The following PCDHGB6 variants were observed in gnomAD, a reference collection of about 807,000 sequenced individuals.
PCDHGB6 encodes the protein protocadherin gamma subfamily B, 6.
A neutral mutation model predicts 59.1 loss-of-function variants in PCDHGB6; 51 were observed. That is an observed-to-expected ratio of 0.86 (90% CI 0.69 to 1.09). PCDHGB6 has a LOEUF of 1.09. Ranked by LOEUF, PCDHGB6 falls within the 50% of genes least tolerant of loss-of-function variation. PCDHGB6 has a pLI of 0.00. For synonymous variants in PCDHGB6, 466 were observed against 495.1 expected, an observed-to-expected ratio of 0.94 and a Z score of 0.78; for missense variants, 1,148 against 1,205.1, an observed-to-expected ratio of 0.95 and a Z score of 0.70.
intron 2 of PCDHGB6, 40 bp from the exon 3 acceptor site, chr5:141,505,353 G>T (rs376781305): frequency 1.7e-5 from 27 of 1,613,426 alleles, no homozygotes; most frequent in Non-Finnish European, 2.0e-5. Flanking sequence ...GAGCTGTGCC[G>T]GCCTGGGAGT....
chr5:141,409,182 T>C lies in PCDHGB6; in HGVS notation c.980T>C (p.Leu327Pro). Residue 327 changes from leucine (L) to proline (P), a missense_variant, in exon 1 of 4, where the codon CTC becomes CCC. Coordinates refer to ENST00000520790, the MANE Select transcript of PCDHGB6 (RefSeq NM_018926.3). ...GTGGAAGCGAAGGACGGAGGTGGTCTCTCTACCCAGTGTAAAGTAATCATA... is the reference window on the plus strand; with the variant it reads ...GTGGAAGCGAAGGACGGAGGTGGTCCCTCTACCCAGTGTAAAGTAATCATA... ...MEVEAKDGGGLSTQCKVIIEI... is the reference protein window; with the variant it reads ...MEVEAKDGGGPSTQCKVIIEI... 6.2e-7 allele frequency: 1 copy of C among 1,614,006 alleles called. No homozygotes were observed. Among genetic ancestry groups the C allele is most frequent in the East Asian group, 2.2e-5 (1 of 44,880 alleles).
At chr5:141,498,830 G>T (rs2099786149) in intron 2 of PCDHGB6, among the ~76,000 whole-genome samples, 1 of 152,080 alleles carries the variant, frequency 6.6e-6, no homozygotes, top group Non-Finnish European at 1.5e-5. Context: ...CTACTCAGGA[G>T]GCTGAGGCAG....
chr5:141,448,894 G>A (rs2098614669), intron 1 of PCDHGB6, among the ~76,000 whole-genome samples: 2 of 152,098 alleles, frequency 1.3e-5, no homozygotes, highest in South Asian at 4.1e-4. Context: ...GCAGTGAGCC[G>A]AGATCGTGCC....
intron 1 of PCDHGB6, chr5:141,419,383 C>A (rs1354675466): frequency 6.2e-7 from 1 of 1,613,698 alleles, no homozygotes; most frequent in South Asian, 1.1e-5. Context: ...TGTCCGTGAG[C>A]GCGCAGAGCG....
At chr5:141,449,467 C>G (rs1356192128) in intron 1 of PCDHGB6, among the ~76,000 whole-genome samples, 1 of 150,842 alleles carries the variant, frequency 6.6e-6, no homozygotes, top group South Asian at 2.1e-4. Flanking sequence ...ATTAGCCAGG[C>G]CTGGTACCCC....
chr5:141,450,829 A>ATTTTTT (rs373424450), intron 1 of PCDHGB6, among the ~76,000 whole-genome samples: 1 of 135,126 alleles, frequency 7.4e-6, no homozygotes. Context: ...TATTATTATT[A>ATTTTTT]TTTTTTTTTT....
chr5:141,422,913 G>T, intron 1 of PCDHGB6: 1 of 1,614,248 alleles, frequency 6.2e-7, no homozygotes, highest in Non-Finnish European at 8.5e-7. Context: ...ATGCGCCCGA[G>T]ATCCTGTACC....
Position 141,487,532 on chromosome 5 carries a change from A to T in PCDHGB6, c.2419-7275A>T. 6.2e-7 allele frequency: 1 copy of T among 1,614,158 alleles called. No homozygotes were observed. The highest frequency in any genetic ancestry group is 8.5e-7 in the Non-Finnish European group (1 of 1,180,022). ...ACCCACTCGGAGTGATAGCTTCATG[A>T]TGGTGAAGTCACCCAGTGCACCTAT... is the stretch of plus-strand genomic sequence containing the variant. On this transcript the variant is annotated intron_variant, in intron 1 of 3. Transcript: ENST00000520790. This position sits in a 1 kb window ranked among gnomAD's most constrained non-coding sequence, Gnocchi z 5.0.
intron 1 of PCDHGB6, among the ~76,000 whole-genome samples, chr5:141,456,714 C>T (rs1456452530): frequency 6.6e-6 from 1 of 152,176 alleles, no homozygotes; most frequent in Non-Finnish European, 1.5e-5. Flanking sequence ...CCTGTAATCC[C>T]AGCACTTTGG....
intron 1 of PCDHGB6, among the ~76,000 whole-genome samples, chr5:141,437,431 A>G (rs1282194918): frequency 6.6e-6 from 1 of 152,234 alleles, no homozygotes; most frequent in African/African-American, 2.4e-5. Flanking sequence ...TGAAGCAGCA[A>G]TAGCATAGGA....
chr5:141,497,492 C>G (rs954582026), intron 2 of PCDHGB6, among the ~76,000 whole-genome samples: 1 of 151,628 alleles, frequency 6.6e-6, no homozygotes, highest in Non-Finnish European at 1.5e-5. Flanking sequence ...ACCTCTCTCT[C>G]TCTCCTCTCT....
rs759346998 is a variant in PCDHGB6 at position 141,410,849 on chromosome 5, CTTTTT to C, written c.2418+247_2418+251del. On this transcript the variant is annotated intron_variant, in intron 1 of 3. Transcript: ENST00000520790. ...CAGACTGAAGATATTTTGTCTTTGT[CTTTTT>C]TTTTTTTTTTTTTTTTTGAGATGGA... 1.3e-3 allele frequency: 178 copies of C among 137,948 alleles called. 1 individual carries two copies. Among genetic ancestry groups the C allele is most frequent in the East Asian group, 2.3e-3 (10 of 4,422 alleles). 8.5% of individuals were successfully genotyped at this position (137,948 alleles called of 1,614,324 possible). A position where few individuals can be genotyped will look rare whatever the true frequency, so the allele number is the denominator to read the frequency against.
rs200646513 is a variant in PCDHGB6, at chr5:141,421,389, G to A, written c.2418+10769G>A. ...TGGGCAATATCTCCAAGGACCTGGG[G>A]CTGGAGCCCCGGGAGCTGGCGAAGC... On this transcript the variant is annotated intron_variant, in intron 1 of 3. Coordinates refer to ENST00000520790, the MANE Select transcript of PCDHGB6 (RefSeq NM_018926.3). The A allele has an allele frequency of 1.7e-3, 2,771 of 1,614,052 alleles. 5 individuals carry two copies. The highest frequency in any genetic ancestry group is 2.2e-3 in the Non-Finnish European group (2,560 of 1,179,918).
intron 1 of PCDHGB6, chr5:141,413,431 G>T (rs963192857): frequency 1.9e-6 from 3 of 1,614,092 alleles, no homozygotes; most frequent in Non-Finnish European, 2.5e-6. Context: ...CCCGCGCAGC[G>T]GCAGCTTGAT....
chr5:141,433,001 G>T, intron 1 of PCDHGB6: 1 of 1,614,156 alleles, frequency 6.2e-7, no homozygotes, highest in African/African-American at 1.3e-5. Flanking sequence ...CGGGGTGCAG[G>T]CTTTCCTGCA....
At position 141,485,929 on chromosome 5, in the gene PCDHGB6, G is replaced by A; in HGVS notation, c.2419-8878G>A. 1 of 1,614,150 alleles carries A rather than the reference G, an allele frequency of 6.2e-7. No homozygotes were observed. The highest frequency in any genetic ancestry group is 8.5e-7 in the Non-Finnish European group (1 of 1,180,036). ...AATCCAGCTACAGGATTAGTGTGTT[G>A]GAGAGCGCACCAGCGGGCATGGTGC... On this transcript the variant is annotated intron_variant, in intron 1 of 3. Coordinates refer to ENST00000520790, the MANE Select transcript of PCDHGB6 (RefSeq NM_018926.3). This position sits in a 1 kb window ranked among gnomAD's most constrained non-coding sequence, Gnocchi z 5.7.
intron 1 of PCDHGB6, chr5:141,422,218 A>T: frequency 1.3e-6 from 2 of 1,564,130 alleles, no homozygotes; most frequent in Non-Finnish European, 8.6e-7. Flanking sequence ...TCTCTTTACC[A>T]CCACGACGAT....
rs1594666821 is a variant in PCDHGB6, at chr5:141,487,316, T to C, written c.2419-7491T>C. 6.2e-7 allele frequency: 1 copy of C among 1,614,164 alleles called. No individual in the cohort carries two copies. Among genetic ancestry groups the C allele is most frequent in the South Asian group, 1.1e-5 (1 of 91,080 alleles). On this transcript the variant is annotated intron_variant, in intron 1 of 3. Coordinates refer to ENST00000520790, the MANE Select transcript of PCDHGB6 (RefSeq NM_018926.3). This position sits in a 1 kb window ranked among gnomAD's most constrained non-coding sequence, Gnocchi z 5.0. ...CTCATTCGTGGCACTACTCTCTAAG[T>C]GTCTTCGTGGGGCAGCCTGTGGAGT... is the stretch of plus-strand genomic sequence containing the variant.
At position 141,491,291 on chromosome 5, in the gene PCDHGB6, C is replaced by G; in HGVS notation, c.2419-3516C>G. On this transcript the variant is annotated intron_variant, in intron 1 of 3. Coordinates refer to ENST00000520790, the MANE Select transcript of PCDHGB6 (RefSeq NM_018926.3). The surrounding 1 kb of genome is among the most constrained non-coding windows in gnomAD (Gnocchi z 6.9). ...AAATCCAGTGACTTCCTCATACACCCTCCTGAGCGTTCAGACCTTACCCTT... is the reference window on the plus strand; with the variant it reads ...AAATCCAGTGACTTCCTCATACACCGTCCTGAGCGTTCAGACCTTACCCTT... 2 of 1,614,152 alleles carry G rather than the reference C, an allele frequency of 1.2e-6. No homozygotes were observed. The highest frequency in any genetic ancestry group is 1.7e-6 in the Non-Finnish European group (2 of 1,179,974).
Sources: gnomAD v4.1 joint callset for allele counts (sites outside exome capture counted in the v4.1 genomes callset) on GRCh38, gnomAD v4.1.1 for gene constraint, Gnocchi (gnomAD v3.1) non-coding constraint, MANE v1.5 for transcripts, NCBI Gene and HGNC (gene_info 2026-07-23, HGNC 2026-07-21) for gene names.